The following TRDMT1 variants were observed in gnomAD, a reference collection of about 807,000 sequenced individuals.
TRDMT1 encodes the protein tRNA aspartic acid methyltransferase 1, also known as tRNA (cytosine(38)-C(5))-methyltransferase.
In TRDMT1, 49 loss-of-function variants were observed where a neutral mutation model predicts 51.2. The observed-to-expected ratio is 0.96, with a 90% CI of 0.76 to 1.21. TRDMT1 has a LOEUF of 1.21. Ranked by LOEUF, TRDMT1 falls within the 50% of genes most tolerant of loss-of-function variation. The pLI is 0.00. For synonymous variants in TRDMT1, 187 were observed against 164.6 expected (o/e 1.14, Z -1.04); for missense variants, 534 against 462.3 (o/e 1.16, Z -1.42).
chr10:17,194,759 C>A (rs897207021), intron 1 of TRDMT1, among the ~76,000 whole-genome samples: 2 of 151,836 alleles, frequency 1.3e-5, no homozygotes, highest in African/African-American at 4.8e-5. Context: ...ATGGTGAAAC[C>A]CTGTCTCTAC....
At chr10:17,185,546 C>A (rs966321202) in intron 1 of TRDMT1, among the ~76,000 whole-genome samples, 16 of 151,986 alleles carry the variant, frequency 1.1e-4, no homozygotes, top group Admixed American at 1.1e-3. Flanking sequence ...GAAATACCAT[C>A]CCATTACTGG....
intron 5 of TRDMT1, among the ~76,000 whole-genome samples, 190 bp downstream of exon 5, chr10:17,161,293 C>T (rs1441604551): frequency 6.6e-6 from 1 of 152,064 alleles, no homozygotes; most frequent in Non-Finnish European, 1.5e-5. Context: ...ATCAGTTGAA[C>T]AAAACTTGGT....
chr10:17,148,258 C>T lies in TRDMT1; in HGVS notation c.*782G>A. 1.0e-6 allele frequency: 1 copy of T among 985,388 alleles called. No homozygotes were observed. Among genetic ancestry groups the T allele is most frequent in the Middle Eastern group, 5.2e-4 (1 of 1,914 alleles). 61.0% of individuals were successfully genotyped at this position (985,388 alleles called of 1,614,324 possible). A position where few individuals can be genotyped will look rare whatever the true frequency, so the allele number is the denominator to read the frequency against. On this transcript the variant is annotated 3_prime_UTR_variant, in exon 11 of 11. Coordinates refer to ENST00000377799, the MANE Select transcript of TRDMT1 (RefSeq NM_004412.7). ...ACATGGGATCAGAGGGCAGCTTCCT[C>T]CCTGAAATCTTAACGTCATGCTACA...
chr10:17,167,324 T>A (rs1440261323), intron 3 of TRDMT1, among the ~76,000 whole-genome samples: 1 of 152,190 alleles, frequency 6.6e-6, no homozygotes, highest in Non-Finnish European at 1.5e-5. Context: ...CTTAAAATCA[T>A]GGAATATATA....
chr10:17,201,439 C>A, intron 1 of TRDMT1, 132 bp downstream of exon 1: 1 of 924,374 alleles, frequency 1.1e-6, no homozygotes, highest in Non-Finnish European at 1.6e-6. Flanking sequence ...CCAGGACAAC[C>A]GAGGGCCGCC....
In TRDMT1 at chr10:17,146,693, A is replaced by G. The variant is rs1588688158; in HGVS notation, c.*2347T>C. On this transcript the variant is annotated 3_prime_UTR_variant, in exon 11 of 11. Coordinates refer to ENST00000377799, the MANE Select transcript of TRDMT1 (RefSeq NM_004412.7). ...ATTACACATAGTTCTCCTGAAAATG[A>G]GAAGCTATGTTTTCCAACATCTGAA... 1 of 985,452 alleles carries G rather than the reference A, an allele frequency of 1.0e-6. No individual in the cohort carries two copies. The highest frequency in any genetic ancestry group is 1.7e-5 in the African/African-American group (1 of 57,368). The allele number at this position is 985,452 out of a possible 1,614,324, so 61.0% of individuals were successfully genotyped here. A position where few individuals can be genotyped will look rare whatever the true frequency, so the allele number is the denominator to read the frequency against.
intron 8 of TRDMT1, among the ~76,000 whole-genome samples, chr10:17,157,056 G>C (rs1371383769): frequency 1.3e-5 from 2 of 152,166 alleles, no homozygotes; most frequent in Non-Finnish European, 2.9e-5. Context: ...TACATCTTTA[G>C]TTTAAAATTT....
intron 1 of TRDMT1, among the ~76,000 whole-genome samples, chr10:17,200,949 G>C (rs1170961219): frequency 6.6e-6 from 1 of 152,126 alleles, no homozygotes; most frequent in East Asian, 1.9e-4. Context: ...CACTGTTCAC[G>C]AAGTAGCCCA....
chr10:17,143,159 T>A lies in TRDMT1; in HGVS notation c.*5881A>T. Reference sequence around the variant, plus strand: ...TTTTCAAGAGAACAACTTAAAGACATTGTTTGAACTCCACAGTGTGGTGCT... The same window carrying A: ...TTTTCAAGAGAACAACTTAAAGACAATGTTTGAACTCCACAGTGTGGTGCT... On this transcript the variant is annotated 3_prime_UTR_variant, in exon 11 of 11. Transcript: ENST00000377799. 1 of 985,420 alleles carries A rather than the reference T, an allele frequency of 1.0e-6. No homozygotes were observed. The highest frequency in any genetic ancestry group is 1.1e-4 in the East Asian group (1 of 8,818). The allele number at this position is 985,420 out of a possible 1,614,324, so 61.0% of individuals were successfully genotyped here.
chr10:17,148,399 T>C lies in TRDMT1; in HGVS notation c.*641A>G. 2.0e-6 allele frequency: 2 copies of C among 985,410 alleles called. No individual in the cohort carries two copies. The highest frequency in any genetic ancestry group is 2.4e-6 in the Non-Finnish European group (2 of 829,932). 61.0% of individuals were successfully genotyped at this position (985,410 alleles called of 1,614,324 possible). On this transcript the variant is annotated 3_prime_UTR_variant, in exon 11 of 11. Transcript: ENST00000377799. Reference sequence around the variant, plus strand: ...AATGAAGAAGGAAAAATGAGTTTTGTCCTTCAGATAGAGGCTGAGGAAAAT... The same window carrying C: ...AATGAAGAAGGAAAAATGAGTTTTGCCCTTCAGATAGAGGCTGAGGAAAAT...
chr10:17,145,185 T>C lies in TRDMT1; in HGVS notation c.*3855A>G. 1 of 736,648 alleles carries C rather than the reference T, an allele frequency of 1.4e-6. No individual in the cohort carries two copies. Among genetic ancestry groups the C allele is most frequent in the Non-Finnish European group, 1.7e-6 (1 of 603,026 alleles). 45.6% of individuals were successfully genotyped at this position (736,648 alleles called of 1,614,324 possible). On this transcript the variant is annotated 3_prime_UTR_variant, in exon 11 of 11. Coordinates refer to ENST00000377799, the MANE Select transcript of TRDMT1 (RefSeq NM_004412.7). ...TCACTTTAACCCAGGAGGGGGAGAT[T>C]GCAGTGAGCCGAGATCACGCCACTG...
chr10:17,139,811 G>A lies in TRDMT1; in HGVS notation c.*9229C>T, dbSNP rs1486575907. Among the ~76,000 whole-genome samples, 1 of 152,040 alleles carries A rather than the reference G, an allele frequency of 6.6e-6. No individual in the cohort carries two copies. Among genetic ancestry groups the A allele is most frequent in the Non-Finnish European group, 1.5e-5 (1 of 68,014 alleles). ...TTGTCATCAATGGCAGAAAGGATGA[G>A]ATGACCTCACTTCTGTCTTTTTCAA... On this transcript the variant is annotated 3_prime_UTR_variant, in exon 11 of 11. Transcript: ENST00000377799.
rs1287522993 is a variant in TRDMT1, at chr10:17,141,726, TC to T, written c.*7313del. Among the ~76,000 whole-genome samples, 8 of 152,262 alleles carry T rather than the reference TC, an allele frequency of 5.3e-5. No homozygotes were observed. Among genetic ancestry groups the T allele is most frequent in the African/African-American group, 1.7e-4 (7 of 41,544 alleles). Reference sequence around the variant, plus strand: ...TCTGTCATTTCCTCTCTACTACTGATCTCAAGTTTAGCAAAAGATATAAATG... The same window carrying T: ...TCTGTCATTTCCTCTCTACTACTGATTCAAGTTTAGCAAAAGATATAAATG... On this transcript the variant is annotated 3_prime_UTR_variant, in exon 11 of 11. Transcript: ENST00000377799.
Position 17,144,850 on chromosome 10 carries a change from A to T in TRDMT1, c.*4190T>A. The T allele has an allele frequency of 2.0e-6, 2 of 985,286 alleles. No individual in the cohort carries two copies. Among genetic ancestry groups the T allele is most frequent in the Non-Finnish European group, 2.4e-6 (2 of 829,868 alleles). The allele number at this position is 985,286 out of a possible 1,614,324, so 61.0% of individuals were successfully genotyped here. ...TAAACTGAAGCTTTAAAATTTCACC[A>T]GCAAAGACAAGAAATAGTGAAAGGG... On this transcript the variant is annotated 3_prime_UTR_variant, in exon 11 of 11. Transcript: ENST00000377799.
At chr10:17,172,702 G>C (rs1200374225) in intron 2 of TRDMT1, among the ~76,000 whole-genome samples, 2 of 152,082 alleles carry the variant, frequency 1.3e-5, no homozygotes, top group Admixed American at 1.3e-4. Context: ...AAAATTGTAG[G>C]TATATAGATA....
At chr10:17,169,329 T>C in intron 2 of TRDMT1, 1 of 1,189,514 alleles carries the variant, frequency 8.4e-7, no homozygotes. Flanking sequence ...ATGTTCTTTA[T>C]TTAGCAAATG....
intron 3 of TRDMT1, among the ~76,000 whole-genome samples, chr10:17,163,592 T>C (rs1463368462): frequency 6.6e-6 from 1 of 152,064 alleles, no homozygotes; most frequent in Non-Finnish European, 1.5e-5. Context: ...AGCTGGTTTT[T>C]TGAAAAGATC....
At chr10:17,157,400 G>C (rs762921338) in intron 8 of TRDMT1, 41 bp downstream of exon 8, 1 of 1,464,116 alleles carries the variant, frequency 6.8e-7, no homozygotes. Context: ...TAAAAAACCT[G>C]GTTATTTTGG....
chr10:17,194,932 CA>C (rs71377022), intron 1 of TRDMT1, among the ~76,000 whole-genome samples: 7 of 99,626 alleles, frequency 7.0e-5, no homozygotes, highest in Admixed American at 2.4e-4. Flanking sequence ...GAATCCGACT[CA>C]AAAAAAAAAA....
Sources: allele counts gnomAD v4.1 joint callset (sites outside exome capture counted in the v4.1 genomes callset), GRCh38; gene constraint gnomAD v4.1.1; transcripts MANE v1.5; gene names NCBI Gene and HGNC (gene_info 2026-07-23, HGNC 2026-07-21).